The following NTM variants were observed in gnomAD, a reference collection of about 807,000 sequenced individuals.
The protein encoded by NTM is IgLON family member 2.
A neutral mutation model predicts 42.1 loss-of-function variants in NTM; 13 were observed. That is an observed-to-expected ratio of 0.31 (90% CI 0.20 to 0.49). The LOEUF (loss-of-function observed/expected upper bound fraction) is 0.49, where lower values mean the gene tolerates loss of function less well. Among genes scored for constraint, NTM ranks in the 20% least tolerant of loss-of-function variants. The pLI is 0.99. For missense variants in NTM, 373 were observed against 452.8 expected, an observed-to-expected ratio of 0.82 and a Z score of 1.60; for synonymous variants, 187 against 179.2, an observed-to-expected ratio of 1.04 and a Z score of -0.35.
intron 1 of NTM, among the ~76,000 whole-genome samples, chr11:131,879,589 A>G (rs539431398): frequency 2.7e-3 from 406 of 152,356 alleles, no homozygotes; most frequent in Middle Eastern, 6.8e-3. Flanking sequence ...TCAGCTTTGT[A>G]GCACTATAAT....
intron 2 of NTM, among the ~76,000 whole-genome samples, chr11:132,131,037 A>G (rs2066726526): frequency 6.6e-6 from 1 of 152,230 alleles, no homozygotes; most frequent in South Asian, 2.1e-4. Context: ...GTCATGTGCA[A>G]GGAAAGTTTG....
intron 2 of NTM, among the ~76,000 whole-genome samples, chr11:131,950,435 T>C (rs1014466189): frequency 1.5e-4 from 23 of 152,344 alleles, no homozygotes; most frequent in Admixed American, 1.5e-3. Context: ...GCAGTTCACC[T>C]GCCTCACCTA....
intron 1 of NTM, among the ~76,000 whole-genome samples, chr11:131,687,615 A>G (rs2074067949): frequency 6.6e-6 from 1 of 152,168 alleles, no homozygotes; most frequent in African/African-American, 2.4e-5. Context: ...AGTTACTTGA[A>G]TTAGTGCCGC....
chr11:131,570,503 G>T (rs537112399), intron 1 of NTM, among the ~76,000 whole-genome samples: 2 of 152,160 alleles, frequency 1.3e-5, no homozygotes, highest in Non-Finnish European at 2.9e-5. Flanking sequence ...GTGTTTACCC[G>T]TAGGAAACAG....
chr11:131,831,171 C>T lies in NTM; in HGVS notation c.83-80393C>T, dbSNP rs916973063. 2.0e-5 allele frequency among the ~76,000 whole-genome samples: 3 copies of T among 151,910 alleles called. No homozygotes were observed. In the South Asian group the frequency reaches 6.3e-4, roughly 32 times the overall value. The stretch of plus-strand genomic sequence containing the variant: ...GATGCCTTTTATTTCTTTTTCTTGC[C>T]TGATTGCTGTGGATAGGACTTGCTG... On this transcript the variant is annotated intron_variant, in intron 1 of 8. Coordinates refer to ENST00000683400, the MANE Select transcript of NTM (RefSeq NM_001352005.2).
In NTM at chr11:131,789,485, AAGAAGAGG is replaced by A. The variant is rs1239296449; in HGVS notation, c.83-122077_83-122070del. Among the ~76,000 whole-genome samples, 7 of 10,074 alleles carry A rather than the reference AAGAAGAGG, an allele frequency of 6.9e-4. 3 individuals are homozygous for A. Among genetic ancestry groups the A allele is most frequent in the African/African-American group, 1.8e-3 (5 of 2,824 alleles). The allele number at this position is 10,074 out of a possible 152,430, so 6.6% of individuals were successfully genotyped here. A position where few individuals can be genotyped will look rare whatever the true frequency, so the allele number is the denominator to read the frequency against. ...GAAGAAGAAGAAGAAGAAGAAGAAGAAGAAGAGGAAAGAAGAAGAAGAAGAAGAAGAAG... is the reference window on the plus strand; with the variant it reads ...GAAGAAGAAGAAGAAGAAGAAGAAGAAAAGAAGAAGAAGAAGAAGAAGAAG... On this transcript the variant is annotated intron_variant, in intron 1 of 8. Transcript: ENST00000683400.
At chr11:132,095,332 C>T (rs757348568) in intron 2 of NTM, among the ~76,000 whole-genome samples, 11 of 152,142 alleles carry the variant, frequency 7.2e-5, no homozygotes, top group African/African-American at 1.7e-4. Context: ...TCTTGAGCAC[C>T]GAGAGAGTTG....
chr11:131,681,326 A>T (rs1325442496), intron 1 of NTM, among the ~76,000 whole-genome samples: 16 of 2,362 alleles, frequency 6.8e-3, no homozygotes, highest in African/African-American at 9.1e-3. Flanking sequence ...TGTGTGTGTG[A>T]GCGTGTGTGT....
At chr11:131,985,642 C>T (rs10791187) in intron 2 of NTM, among the ~76,000 whole-genome samples, 47,285 of 151,972 alleles carry the variant, frequency 0.31, 8,105 homozygotes, top group South Asian at 0.53. Flanking sequence ...GGAGAGCACG[C>T]GGCGTCATAG....
intron 1 of NTM, among the ~76,000 whole-genome samples, chr11:131,620,425 C>G (rs1191137026): frequency 6.6e-6 from 1 of 152,194 alleles, no homozygotes; most frequent in Admixed American, 6.5e-5. Flanking sequence ...CCACTTATAT[C>G]TCCCAGTGAC....
intron 1 of NTM, among the ~76,000 whole-genome samples, chr11:131,894,712 C>T (rs1295987324): frequency 6.6e-6 from 1 of 152,164 alleles, no homozygotes; most frequent in Non-Finnish European, 1.5e-5. Flanking sequence ...CCGGGCTCCT[C>T]CCTATCAAAC....
chr11:131,694,999 C>T (rs1030822144), intron 1 of NTM, among the ~76,000 whole-genome samples: 1 of 152,150 alleles, frequency 6.6e-6, no homozygotes, highest in African/African-American at 2.4e-5. Flanking sequence ...CGACCTGCTG[C>T]CACCAGAGGG....
intron 1 of NTM, among the ~76,000 whole-genome samples, chr11:131,892,278 T>A (rs1194262894): frequency 6.6e-6 from 1 of 152,230 alleles, no homozygotes; most frequent in African/African-American, 2.4e-5. Flanking sequence ...CATTACATGA[T>A]AAAGTATAAT....
At chr11:131,431,075 C>A (rs1401635668) in intron 1 of NTM, among the ~76,000 whole-genome samples, 1 of 152,208 alleles carries the variant, frequency 6.6e-6, no homozygotes, top group African/African-American at 2.4e-5. Context: ...GCAAAATCCC[C>A]ACAGTCTTGA....
At chr11:131,789,544 AGAAAAG>A (rs2090254404) in intron 1 of NTM, among the ~76,000 whole-genome samples, 2 of 23,066 alleles carry the variant, frequency 8.7e-5, no homozygotes, top group Non-Finnish European at 1.5e-4. Context: ...AAGAAGAAGA[AGAAAAG>A]AAGAAGAAGA....
intron 1 of NTM, among the ~76,000 whole-genome samples, chr11:131,596,834 T>A (rs1000724175): frequency 6.6e-6 from 1 of 152,184 alleles, no homozygotes; most frequent in Admixed American, 6.5e-5. Flanking sequence ...TATGAGTTTA[T>A]TAAGTATTAA....
At chr11:132,252,385 C>A (rs754775528) in intron 4 of NTM, among the ~76,000 whole-genome samples, 5 of 152,102 alleles carry the variant, frequency 3.3e-5, no homozygotes, top group Non-Finnish European at 5.9e-5. Flanking sequence ...CCAGGGCTGG[C>A]TGCAGGAATA....
chr11:132,239,934 T>A (rs575814298), intron 4 of NTM, among the ~76,000 whole-genome samples: 1 of 152,096 alleles, frequency 6.6e-6, no homozygotes. Flanking sequence ...CCTCTCCTAG[T>A]TCATTTATCC....
chr11:131,567,880 TACAG>T (rs973365574), intron 1 of NTM, among the ~76,000 whole-genome samples: 31 of 152,320 alleles, frequency 2.0e-4, no homozygotes, highest in African/African-American at 7.5e-4. Flanking sequence ...CCCAAATTCT[TACAG>T]ACATTTGTAG....
Sources: allele counts gnomAD v4.1 joint callset (sites outside exome capture counted in the v4.1 genomes callset), GRCh38; gene constraint gnomAD v4.1.1; transcripts MANE v1.5; gene names NCBI Gene and HGNC (gene_info 2026-07-23, HGNC 2026-07-21).